The following PXDN variants were observed in gnomAD, a reference collection of about 807,000 sequenced individuals.
PXDN encodes peroxidasin.
In PXDN, 77 loss-of-function variants were observed where a neutral mutation model predicts 140.3. That is an observed-to-expected ratio of 0.55 (90% confidence interval 0.46 to 0.66). The LOEUF (loss-of-function observed/expected upper bound fraction) is 0.66. Ranked by LOEUF, PXDN falls within the 30% of genes least tolerant of loss-of-function variation. PXDN has a pLI of 0.00. For missense variants in PXDN, 1,838 were observed against 2,039.5 expected (o/e 0.90, Z 1.90); for synonymous variants, 911 against 857.4 (o/e 1.06, Z -1.09).
In PXDN at chr2:1,648,256, AC is replaced by A. The variant is rs769209560; in HGVS notation, c.3523del (p.Val1175SerfsTer14). The A allele has an allele frequency of 6.2e-7, 1 of 1,613,768 alleles. No individual in the cohort carries two copies. Among genetic ancestry groups the A allele is most frequent in the Non-Finnish European group, 8.5e-7 (1 of 1,179,836 alleles). On this transcript the variant is annotated frameshift_variant, in exon 17 of 23. Coordinates refer to ENST00000252804, the MANE Select transcript of PXDN (RefSeq NM_012293.3). LOFTEE classifies it high-confidence loss of function. The surrounding 1 kb of genome is among the most constrained non-coding windows in gnomAD (Gnocchi z 8.9). ...GTGTGCCGCCGATAGATTGCAGTAG[AC>A]CCTGTAGTCGTGGTAGGGTGGGATC... ...HGIPPYHDYRVYCNLSAAHTF... is the reference protein window; with the variant it reads ...HGIPPYHDYRXYCNLSAAHTF...
chr2:1,634,094 A>G lies in PXDN; in HGVS notation c.*110T>C, dbSNP rs2125398815. On this transcript the variant is annotated 3_prime_UTR_variant, in exon 23 of 23. Coordinates refer to ENST00000252804, the MANE Select transcript of PXDN (RefSeq NM_012293.3). ...CAGCACCAGCTGGACGTTGTCATGA[A>G]ATGTCACGAGTTCTGGGTGTTTCCT... 6.9e-7 allele frequency: 1 copy of G among 1,453,452 alleles called. No homozygotes were observed. Among genetic ancestry groups the G allele is most frequent in the East Asian group, 2.5e-5 (1 of 39,684 alleles). The allele number at this position is 1,453,452 out of a possible 1,614,324, so 90.0% of individuals were successfully genotyped here.
intron 1 of PXDN, among the ~76,000 whole-genome samples, chr2:1,705,005 G>A (rs1008061840): frequency 2.0e-5 from 3 of 152,130 alleles, no homozygotes; most frequent in African/African-American, 4.8e-5. Context: ...ATGCACACAC[G>A]AGCTAGTTAG....
chr2:1,699,794 C>G (rs141024996), intron 1 of PXDN, among the ~76,000 whole-genome samples: 1 of 152,114 alleles, frequency 6.6e-6, no homozygotes, highest in Non-Finnish European at 1.5e-5. Context: ...CTATATCGTT[C>G]GGTTCGAGAA....
At position 1,648,162 on chromosome 2, in the gene PXDN, T is replaced by G. The variant is rs776437912; in HGVS notation, c.3608+10A>C. The G allele has an allele frequency of 6.8e-6, 11 of 1,608,776 alleles. 1 individual carries two copies. Among genetic ancestry groups the G allele is most frequent in the Middle Eastern group, 1.7e-4 (1 of 6,038 alleles). ...TACACGAGCCATCCCACACAGCCTC[T>G]TCAGCTCACCTTTTCAGTTTCTCCC... On this transcript the variant is annotated intron_variant, in intron 17 of 22. Transcript: ENST00000252804. The surrounding 1 kb of genome is among the most constrained non-coding windows in gnomAD (Gnocchi z 8.9).
intron 17 of PXDN, among the ~76,000 whole-genome samples, chr2:1,646,854 G>A (rs1682860633): frequency 6.6e-6 from 1 of 152,196 alleles, no homozygotes; most frequent in Admixed American, 6.5e-5. Flanking sequence ...CAAGGACTGA[G>A]AAGAATCACA....
At chr2:1,682,950 G>A (rs1054008061) in intron 6 of PXDN, among the ~76,000 whole-genome samples, 3 of 152,134 alleles carry the variant, frequency 2.0e-5, no homozygotes, top group Non-Finnish European at 4.4e-5. Flanking sequence ...AAAAAAAAGG[G>A]TAAAGATCAG....
At chr2:1,725,200 G>A (rs1685148415) in intron 1 of PXDN, among the ~76,000 whole-genome samples, 1 of 152,100 alleles carries the variant, frequency 6.6e-6, no homozygotes, top group Admixed American at 6.6e-5. Context: ...ACTTTTGTAT[G>A]TTGATTTTGT....
At chr2:1,712,877 A>G (rs757414652) in intron 1 of PXDN, among the ~76,000 whole-genome samples, 17 of 152,050 alleles carry the variant, frequency 1.1e-4, no homozygotes, top group Non-Finnish European at 2.2e-4. Flanking sequence ...GGCATCCGCC[A>G]CCAGGCCTGG....
At chr2:1,709,215 C>T (rs561314630) in intron 1 of PXDN, among the ~76,000 whole-genome samples, 3 of 152,298 alleles carry the variant, frequency 2.0e-5, no homozygotes, top group South Asian at 2.1e-4. Context: ...GCGGGGACCA[C>T]GAGCACTGCT....
chr2:1,673,943 C>G, intron 8 of PXDN, 131 bp from the exon 9 acceptor site: 1 of 935,274 alleles, frequency 1.1e-6, no homozygotes, highest in South Asian at 1.7e-5. Context: ...CTTCCAGGGT[C>G]TCCTCCTTCC....
At chr2:1,739,079 T>C (rs2125496488) in intron 1 of PXDN, among the ~76,000 whole-genome samples, 1 of 152,288 alleles carries the variant, frequency 6.6e-6, no homozygotes, top group East Asian at 1.9e-4. Context: ...ATGCCTTCCA[T>C]GGCCCCGGAA....
At chr2:1,697,248 G>A (rs899654711) in intron 1 of PXDN, among the ~76,000 whole-genome samples, 17 of 152,134 alleles carry the variant, frequency 1.1e-4, no homozygotes, top group African/African-American at 2.2e-4. Flanking sequence ...TTAAGTGTGC[G>A]TGTGAGGAGA....
rs776800196 is a variant in PXDN, at chr2:1,649,190, G to C, written c.2590C>G (p.Pro864Ala). 7.6e-5 allele frequency: 122 copies of C among 1,600,524 alleles called. No homozygotes were observed. The highest frequency in any genetic ancestry group is 1.5e-4 in the Admixed American group (9 of 59,518). Residue 864 changes from proline (P) to alanine (A), a missense_variant, in exon 17 of 23, where the codon CCC becomes GCC. This residue lies in a region of PXDN where 850 missense variants were observed against 894.1 expected (regional missense o/e 0.95). Transcript: ENST00000252804. This position sits in a 1 kb window ranked among gnomAD's most constrained non-coding sequence, Gnocchi z 7.1. ...CCGCTCCTGGCCCGGGAGTCATTGG[G>C]GGGGATCATGACAGAGAAGCAGGGG... Reference protein sequence around the residue: ...DPPCFSVMIPPNDSRARSGAR... With the variant: ...DPPCFSVMIPANDSRARSGAR...
intron 1 of PXDN, among the ~76,000 whole-genome samples, chr2:1,702,935 T>C (rs1684470302): frequency 6.7e-6 from 1 of 150,182 alleles, no homozygotes; most frequent in Non-Finnish European, 1.5e-5. Flanking sequence ...CATCAATCAA[T>C]ATATGTAAGA....
At chr2:1,741,053 A>G (rs1226605267) in intron 1 of PXDN, among the ~76,000 whole-genome samples, 3 of 152,164 alleles carry the variant, frequency 2.0e-5, no homozygotes, top group Non-Finnish European at 4.4e-5. Context: ...TGATGAATCC[A>G]TGACCATAGC....
intron 1 of PXDN, among the ~76,000 whole-genome samples, chr2:1,737,832 C>T (rs922560337): frequency 6.6e-6 from 1 of 152,130 alleles, no homozygotes; most frequent in Non-Finnish European, 1.5e-5. Context: ...AGCCTCCATG[C>T]CCCCCTTAAT....
chr2:1,731,151 C>T (rs996685808), intron 1 of PXDN, among the ~76,000 whole-genome samples: 2 of 64,766 alleles, frequency 3.1e-5, no homozygotes, highest in South Asian at 1.1e-3. Flanking sequence ...AGAGCGCGCG[C>T]GCACACACAC....
At position 1,643,410 on chromosome 2, in the gene PXDN, T is replaced by C; in HGVS notation, c.3910A>G (p.Ile1304Val). The C allele has an allele frequency of 6.2e-7, 1 of 1,613,910 alleles. No homozygotes were observed. Among genetic ancestry groups the C allele is most frequent in the South Asian group, 1.1e-5 (1 of 91,078 alleles). Residue 1304 changes from isoleucine to valine, a missense_variant, in exon 19 of 23, where the codon ATC (isoleucine) becomes GTC (valine). This residue lies in a region of PXDN where 850 missense variants were observed against 894.1 expected (regional missense o/e 0.95). Coordinates refer to ENST00000252804, the MANE Select transcript of PXDN (RefSeq NM_012293.3). ...FPHGYGSCDE[I>V]PRVDLRVWQD... is the part of the protein sequence containing the mutation. ...CACACCCGGAGGTCTACCCTGGGGA[T>C]CTCGTCACAGCTGCCGTAGCCGTGA...
At chr2:1,715,630 G>A (rs1304570796) in intron 1 of PXDN, among the ~76,000 whole-genome samples, 5 of 152,166 alleles carry the variant, frequency 3.3e-5, no homozygotes, top group Non-Finnish European at 7.3e-5. Context: ...CTGGCTCTCT[G>A]GTGGAGCCTG....
Sources: allele counts gnomAD v4.1 joint callset (sites outside exome capture counted in the v4.1 genomes callset), GRCh38; gene constraint gnomAD v4.1.1; regional missense constraint gnomAD v4.1.1; non-coding constraint Gnocchi (gnomAD v3.1); transcripts MANE v1.5; gene names NCBI Gene and HGNC (gene_info 2026-07-23, HGNC 2026-07-21).